The following JPH3 variants were observed in gnomAD, a reference collection of about 807,000 sequenced individuals.
The protein encoded by JPH3 is junctophilin-3.
JPH3 carries 11 observed loss-of-function variants against 59.6 expected under a neutral mutation model. That is an observed-to-expected ratio of 0.18 (90% CI 0.12 to 0.31). The LOEUF is 0.31. Among genes scored for constraint, JPH3 ranks in the 10% least tolerant of loss-of-function variants. JPH3 has a pLI of 1.00. For synonymous variants in JPH3, 673 were observed against 483.6 expected, an observed-to-expected ratio of 1.39 and a Z score of -5.14; for missense variants, 1,202 against 1,105.7, an observed-to-expected ratio of 1.09 and a Z score of -1.24.
chr16:87,660,277 C>T (rs1014702825), intron 2 of JPH3, among the ~76,000 whole-genome samples: 8 of 152,096 alleles, frequency 5.3e-5, no homozygotes, highest in Non-Finnish European at 5.9e-5. Flanking sequence ...TTGAGCTTTT[C>T]CCCAGAGCAG....
chr16:87,656,156 C>G (rs116488819), intron 2 of JPH3, among the ~76,000 whole-genome samples: 3,950 of 152,368 alleles, frequency 0.026, 171 homozygotes, highest in African/African-American at 0.088. Flanking sequence ...GAGGGCGTCT[C>G]TGCCCGCCTA....
intron 2 of JPH3, among the ~76,000 whole-genome samples, chr16:87,677,803 C>T (rs984208160): frequency 3.3e-5 from 5 of 152,212 alleles, no homozygotes; most frequent in East Asian, 1.9e-4. Context: ...CAGGCAGACC[C>T]GCTCCTGTCT....
At chr16:87,691,994 G>A (rs1320116795) in intron 4 of JPH3, among the ~76,000 whole-genome samples, 1 of 152,138 alleles carries the variant, frequency 6.6e-6, no homozygotes, top group Non-Finnish European at 1.5e-5. Context: ...GCACAAGCTG[G>A]GGACAAGTGC....
intron 1 of JPH3, among the ~76,000 whole-genome samples, chr16:87,617,932 G>A (rs1239747716): frequency 3.3e-5 from 5 of 152,118 alleles, no homozygotes; most frequent in African/African-American, 9.7e-5. Flanking sequence ...GGAGACTGAG[G>A]TGGGCGGATC....
At chr16:87,692,429 CAG>C (rs2033617541) in intron 4 of JPH3, among the ~76,000 whole-genome samples, 1 of 152,216 alleles carries the variant, frequency 6.6e-6, no homozygotes, top group African/African-American at 2.4e-5. Context: ...CACCCCCTCA[CAG>C]GGGTACAGCT....
chr16:87,686,505 G>C (rs2033421800), intron 3 of JPH3, among the ~76,000 whole-genome samples: 1 of 118,716 alleles, frequency 8.4e-6, no homozygotes, highest in Admixed American at 7.8e-5. Flanking sequence ...CTCAATCCTG[G>C]AGTCAGAGAT....
chr16:87,652,657 C>A (rs1567600155), intron 2 of JPH3, among the ~76,000 whole-genome samples: 1 of 152,182 alleles, frequency 6.6e-6, no homozygotes, highest in Non-Finnish European at 1.5e-5. Context: ...CCCCGTCTGT[C>A]CTGGAGGCCA....
rs141554852 is a variant in JPH3 at position 87,644,019 on chromosome 16, T to A, written c.383-239T>A. Among the ~76,000 whole-genome samples, 208 of 152,328 alleles carry A rather than the reference T, an allele frequency of 1.4e-3. 1 individual carries two copies. The highest frequency in any genetic ancestry group is 2.5e-3 in the Admixed American group (39 of 15,308). On this transcript the variant is annotated intron_variant, in intron 1 of 4. Transcript: ENST00000284262. ...GGAGCATGGTGGTGCACGCCTGTAG[T>A]CCCAGCTGCGCAGGAGGCTGAGGCA...
At chr16:87,685,001 C>T (rs1004119396) in intron 3 of JPH3, among the ~76,000 whole-genome samples, 1 of 152,188 alleles carries the variant, frequency 6.6e-6, no homozygotes, top group Non-Finnish European at 1.5e-5. Flanking sequence ...GCCCCCTCAA[C>T]CCGAGCTCTG....
At chr16:87,683,586 G>C (rs1321395535) in intron 2 of JPH3, among the ~76,000 whole-genome samples, 1 of 151,672 alleles carries the variant, frequency 6.6e-6, no homozygotes, top group Non-Finnish European at 1.5e-5. Context: ...TTACAGGCGT[G>C]AGCCACTGTG....
chr16:87,615,432 C>G (rs540933737), intron 1 of JPH3, among the ~76,000 whole-genome samples: 7 of 152,322 alleles, frequency 4.6e-5, no homozygotes, highest in Non-Finnish European at 7.3e-5. Flanking sequence ...TCTCCCAGCT[C>G]GGCATGGACT....
intron 1 of JPH3, among the ~76,000 whole-genome samples, chr16:87,640,365 G>C (rs574313515): frequency 6.6e-6 from 1 of 151,756 alleles, no homozygotes; most frequent in Non-Finnish European, 1.5e-5. Flanking sequence ...GTGCATGCCA[G>C]GTAATCGACA....
At chr16:87,627,999 A>G (rs975818813) in intron 1 of JPH3, among the ~76,000 whole-genome samples, 1 of 152,182 alleles carries the variant, frequency 6.6e-6, no homozygotes, top group Non-Finnish European at 1.5e-5. Context: ...GCAGGCAGTG[A>G]GGGGATCATG....
intron 4 of JPH3, among the ~76,000 whole-genome samples, chr16:87,693,365 G>C (rs1597299232): frequency 6.6e-6 from 1 of 152,302 alleles, no homozygotes; most frequent in East Asian, 1.9e-4. Context: ...TATCTGTTGA[G>C]CAAACTTTTT....
chr16:87,637,956 G>T, intron 1 of JPH3, among the ~76,000 whole-genome samples: 1 of 152,050 alleles, frequency 6.6e-6, no homozygotes, highest in Non-Finnish European at 1.5e-5. Flanking sequence ...CACTCTTGTT[G>T]CCCAGACTGG....
chr16:87,625,329 C>T (rs1035826605), intron 1 of JPH3, among the ~76,000 whole-genome samples: 3 of 152,138 alleles, frequency 2.0e-5, no homozygotes, highest in South Asian at 2.1e-4. Context: ...ATTCCTGAAC[C>T]CTCAGTGTTT....
At chr16:87,684,019 C>G in intron 2 of JPH3, 123 bp from the exon 3 acceptor site, 3 of 657,580 alleles carry the variant, frequency 4.6e-6, no homozygotes, top group Non-Finnish European at 8.1e-6. Context: ...TGAGGGTAAA[C>G]ATGGGGTGCC....
chr16:87,675,879 C>T (rs1039119052), intron 2 of JPH3, among the ~76,000 whole-genome samples: 1 of 152,238 alleles, frequency 6.6e-6, no homozygotes, highest in East Asian at 1.9e-4. Flanking sequence ...TTCCTCCAGG[C>T]TGCCTGCACC....
chr16:87,630,200 G>A lies in JPH3; in HGVS notation c.383-14058G>A, dbSNP rs148553321. Reference sequence around the variant, plus strand: ...CTTCCGAATCCCTTCTCACCTGAGTGGGGTCAAGACGCACCTGGGTCCTAT... The same window carrying A: ...CTTCCGAATCCCTTCTCACCTGAGTAGGGTCAAGACGCACCTGGGTCCTAT... On this transcript the variant is annotated intron_variant, in intron 1 of 4. Coordinates refer to ENST00000284262, the MANE Select transcript of JPH3 (RefSeq NM_020655.4). Among the ~76,000 whole-genome samples the A allele has an allele frequency of 7.8e-3, 1,193 of 152,272 alleles. 20 individuals carry two copies. The highest frequency in any genetic ancestry group is 0.026 in the African/African-American group (1,088 of 41,534).
Sources: allele counts gnomAD v4.1 joint callset (sites outside exome capture counted in the v4.1 genomes callset), GRCh38; gene constraint gnomAD v4.1.1; transcripts MANE v1.5; gene names NCBI Gene and HGNC (gene_info 2026-07-23, HGNC 2026-07-21).